Variants in SGCB observed in about 807,000 individuals in gnomAD.
The protein encoded by SGCB is sarcoglycan beta, also known as beta-sarcoglycan.
SGCB carries 25 observed loss-of-function variants against 27.3 expected under a neutral mutation model. The observed-to-expected ratio is 0.92, with a 90% CI of 0.67 to 1.28. SGCB has a LOEUF of 1.28. SGCB is among the 50% of genes most tolerant of loss of function. SGCB has a pLI of 0.00. For missense variants in SGCB, 436 were observed against 402.1 expected (o/e 1.08, Z -0.72); for synonymous variants, 147 against 133.5 (o/e 1.10, Z -0.70).
chr4:52,025,685 G>T (rs1578123973), intron 5 of SGCB, among the ~76,000 whole-genome samples: 1 of 152,242 alleles, frequency 6.6e-6, no homozygotes, highest in Non-Finnish European at 1.5e-5. Flanking sequence ...CACTCTGGCT[G>T]TTGGGTAGAA....
chr4:52,038,233 TGCAGCCGCCGCCGCC>T lies in SGCB; in HGVS notation c.12_26del (p.Ala5_Ala9del). The T allele has an allele frequency of 7.8e-7, 1 of 1,286,740 alleles. No homozygotes were observed. Among genetic ancestry groups the T allele is most frequent in the Non-Finnish European group, 9.9e-7 (1 of 1,013,070 alleles). The allele number at this position is 1,286,740 out of a possible 1,614,324, so 79.7% of individuals were successfully genotyped here. ...CGCGGCGGTACTCACAGACCTGTTCTGCAGCCGCCGCCGCCGCTGCCGCCATCTTCCCGCGCCCGC... is the reference window on the plus strand; with the variant it reads ...CGCGGCGGTACTCACAGACCTGTTCTGCTGCCGCCATCTTCCCGCGCCCGC... On this transcript the variant is annotated inframe_deletion, in exon 1 of 6. Transcript: ENST00000381431.
At chr4:52,026,824 A>T (rs1737110293) in intron 5 of SGCB, among the ~76,000 whole-genome samples, 1 of 152,220 alleles carries the variant, frequency 6.6e-6, no homozygotes, top group Non-Finnish European at 1.5e-5. Flanking sequence ...AAGGTTTGGT[A>T]AGTTGCTAAT....
intron 5 of SGCB, among the ~76,000 whole-genome samples, chr4:52,026,266 T>G (rs1340867790): frequency 2.1e-5 from 3 of 141,628 alleles, no homozygotes; most frequent in South Asian, 2.3e-4. Context: ...TTTTTTTTTT[T>G]TTTTTTTTTT....
intron 2 of SGCB, 66 bp from the exon 3 acceptor site, chr4:52,029,929 G>C: frequency 1.7e-6 from 2 of 1,208,328 alleles, no homozygotes; most frequent in Non-Finnish European, 2.5e-6. Context: ...AAAACAAATA[G>C]AAAATATTAT....
intron 1 of SGCB, among the ~76,000 whole-genome samples, chr4:52,035,730 G>C (rs1399143611): frequency 2.0e-5 from 3 of 152,114 alleles, no homozygotes; most frequent in Non-Finnish European, 4.4e-5. Flanking sequence ...GAGAGATTAA[G>C]TAGATACTTT....
chr4:52,035,719 GGA>G (rs1737371677), intron 1 of SGCB, among the ~76,000 whole-genome samples: 1 of 152,114 alleles, frequency 6.6e-6, no homozygotes, highest in Non-Finnish European at 1.5e-5. Context: ...GGATGAAAAA[GGA>G]GAGATTAAGT....
Position 52,021,722 on chromosome 4 carries a change from C to T in SGCB, c.*2235G>A, listed in dbSNP as rs1736955871. 1 of 151,926 alleles carries T rather than the reference C, an allele frequency of 6.6e-6. No homozygotes were observed. The highest frequency in any genetic ancestry group is 2.4e-5 in the African/African-American group (1 of 41,360). The allele number at this position is 151,926 out of a possible 1,614,324, so 9.4% of individuals were successfully genotyped here. ...GCCATAAGTAAAATGGAGAGTTTGC[C>T]CTGTTCTGCTTTCTAATAGATTTTC... On this transcript the variant is annotated 3_prime_UTR_variant, in exon 6 of 6. Transcript: ENST00000381431.
intron 1 of SGCB, 134 bp downstream of exon 1, chr4:52,038,093 C>CCCCCA: frequency 2.4e-6 from 1 of 419,208 alleles, no homozygotes. Context: ...CCGCCCCGCC[C>CCCCCA]CGATCGGCCC....
At chr4:52,038,184 T>C (rs1737450313) in intron 1 of SGCB, 43 bp downstream of exon 1, 2 of 1,187,694 alleles carry the variant, frequency 1.7e-6, no homozygotes, top group Non-Finnish European at 2.1e-6. Context: ...GGACGCGGCC[T>C]CCCCCGCTCC....
chr4:52,035,607 G>T (rs1223118268), intron 1 of SGCB, among the ~76,000 whole-genome samples: 1 of 152,140 alleles, frequency 6.6e-6, no homozygotes, highest in South Asian at 2.1e-4. Flanking sequence ...TTAAAGGTGT[G>T]GGCATTTGTA....
Position 52,029,882 on chromosome 4 carries a change from C to T in SGCB, c.244-19G>A. On this transcript the variant is annotated intron_variant, in intron 2 of 5. Transcript: ENST00000381431. ...GTGTTATCTGAAAAAGAACACAAGT[C>T]CACTGTTGGTAGGCCGCATACATTT... 6.3e-7 allele frequency: 1 copy of T among 1,595,572 alleles called. No individual in the cohort carries two copies. Among genetic ancestry groups the T allele is most frequent in the Non-Finnish European group, 8.6e-7 (1 of 1,163,158 alleles).
In SGCB at chr4:52,028,744, C is replaced by G; in HGVS notation, c.607G>C (p.Ala203Pro). The G allele has an allele frequency of 1.2e-6, 2 of 1,610,102 alleles. No individual in the cohort carries two copies. The highest frequency in any genetic ancestry group is 1.7e-6 in the Non-Finnish European group (2 of 1,176,454). The change falls in exon 4 of 6, where the codon GCA becomes CCA. Residue 203 changes from alanine to proline, a missense_variant. Physicochemically the swap from Ala to Pro is conservative, Grantham distance 27. Transcript: ENST00000381431. ...SGVKSLNVQK[A>P]STERITSNAT... ...ATAAATCATACCCTTTCAGTAGATG[C>G]CTTTTGAACATTCAAACTTTTCACT...
rs201022616 is a variant in SGCB at position 52,033,382 on chromosome 4, T to A, written c.243+49A>T. 1.2e-5 allele frequency: 14 copies of A among 1,215,306 alleles called. No homozygotes were observed. In the East Asian group the frequency reaches 1.6e-4, roughly 14 times the overall value. The allele number at this position is 1,215,306 out of a possible 1,614,324, so 75.3% of individuals were successfully genotyped here. A position where few individuals can be genotyped will look rare whatever the true frequency, so the allele number is the denominator to read the frequency against. On this transcript the variant is annotated intron_variant, in intron 2 of 5. Transcript: ENST00000381431. ...GTCTATGATTTCACTATAAAGCAGA[T>A]AAAAAATTCCCCATGGCAATTAAAA...
intron 2 of SGCB, among the ~76,000 whole-genome samples, chr4:52,030,126 C>T (rs545624115): frequency 6.6e-6 from 1 of 152,258 alleles, no homozygotes; most frequent in Admixed American, 6.5e-5. Context: ...ACCCTCTCCA[C>T]ATCTCATTCC....
At chr4:52,025,251 T>G (rs772312488) in intron 5 of SGCB, among the ~76,000 whole-genome samples, 2 of 151,694 alleles carry the variant, frequency 1.3e-5, no homozygotes, top group Non-Finnish European at 2.9e-5. Context: ...AGACATCAGG[T>G]GGGATAAATG....
At chr4:52,035,082 A>G (rs1433581163) in intron 1 of SGCB, among the ~76,000 whole-genome samples, 3 of 152,202 alleles carry the variant, frequency 2.0e-5, no homozygotes, top group Admixed American at 2.0e-4. Flanking sequence ...CTATGGTTGA[A>G]TGACATTTTG....
chr4:52,029,925 A>C (rs1737208278), intron 2 of SGCB, 62 bp from the exon 3 acceptor site: 1 of 1,245,968 alleles, frequency 8.0e-7, no homozygotes, highest in Non-Finnish European at 1.2e-6. Flanking sequence ...TTGGAAAACA[A>C]ATAGAAAATA....
chr4:52,036,647 G>T (rs1280948180), intron 1 of SGCB, among the ~76,000 whole-genome samples: 1 of 152,154 alleles, frequency 6.6e-6, no homozygotes, highest in African/African-American at 2.4e-5. Context: ...GGTGTTAAGA[G>T]GTAGAACTGT....
intron 2 of SGCB, among the ~76,000 whole-genome samples, chr4:52,031,406 ATGTGTG>A (rs57599198): frequency 0.026 from 3,726 of 142,714 alleles, 151 homozygotes; most frequent in African/African-American, 0.089. Context: ...GTGTGTGTGT[ATGTGTG>A]TGTGTGTGTG....
Sources: allele counts gnomAD v4.1 joint callset (sites outside exome capture counted in the v4.1 genomes callset), GRCh38; gene constraint gnomAD v4.1.1; transcripts MANE v1.5; gene names NCBI Gene and HGNC (gene_info 2026-07-23, HGNC 2026-07-21).